PARD6B: variants seen among roughly 807,000 people sequenced by gnomAD.
The protein encoded by PARD6B is par-6 family cell polarity regulator beta.
Under a neutral mutation model 10.5 loss-of-function variants are expected in PARD6B, and 4 were observed. The observed-to-expected ratio is 0.38, with a 90% CI of 0.19 to 0.87. The LOEUF (loss-of-function observed/expected upper bound fraction) is 0.87. PARD6B is among the 40% of genes least tolerant of loss of function. The pLI is 0.41. For synonymous variants in PARD6B, 169 were observed against 170.4 expected, an observed-to-expected ratio of 0.99 and a Z score of 0.07; for missense variants, 396 against 470.6, an observed-to-expected ratio of 0.84 and a Z score of 1.47.
Position 50,740,292 on chromosome 20 carries a change from A to G in PARD6B, c.289+2213A>G, listed in dbSNP as rs2087524276. 1.3e-5 allele frequency among the ~76,000 whole-genome samples: 2 copies of G among 152,228 alleles called. 1 individual carries two copies. Among genetic ancestry groups the G allele is most frequent in the South Asian group, 4.1e-4 (2 of 4,836 alleles). On this transcript the variant is annotated intron_variant, in intron 2 of 2. Transcript: ENST00000371610. Reference sequence around the variant, plus strand: ...GAAGAATTTAAATAATTATGGTTGAATAATAGGCCTTTCTTGTTAGCAATT... The same window carrying G: ...GAAGAATTTAAATAATTATGGTTGAGTAATAGGCCTTTCTTGTTAGCAATT...
intron 2 of PARD6B, 68 bp downstream of exon 2, chr20:50,738,147 A>G: frequency 8.3e-7 from 1 of 1,200,696 alleles, no homozygotes; most frequent in Middle Eastern, 2.6e-4. Context: ...CTGAAAGGAT[A>G]CCCAGACTTT....
rs1347447193 is a variant in PARD6B at position 50,750,965 on chromosome 20, T to A, written c.*477T>A. The A allele has an allele frequency of 5.6e-6, 2 of 354,118 alleles. No homozygotes were observed. The highest frequency in any genetic ancestry group is 6.8e-6 in the Non-Finnish European group (2 of 295,968). The allele number at this position is 354,118 out of a possible 1,614,324, so 21.9% of individuals were successfully genotyped here. On this transcript the variant is annotated 3_prime_UTR_variant, in exon 3 of 3. Transcript: ENST00000371610. ...AATATTTTATTTTGATTTTTTTTTTTTTTTTTTTTTTTTTTTTTTTTAGTG... is the reference window on the plus strand; with the variant it reads ...AATATTTTATTTTGATTTTTTTTTTATTTTTTTTTTTTTTTTTTTTTAGTG...
rs1204319964 is a variant in PARD6B at position 50,742,967 on chromosome 20, C to A, written c.289+4888C>A. ...TTATTTTCATGCAGAGGATCCCAAT[C>A]CCCCATTCCCTGTTAAGAGTATTAG... On this transcript the variant is annotated intron_variant, in intron 2 of 2. Coordinates refer to ENST00000371610, the MANE Select transcript of PARD6B (RefSeq NM_032521.3). 9.2e-5 allele frequency among the ~76,000 whole-genome samples: 14 copies of A among 152,262 alleles called. No homozygotes were observed. In the Middle Eastern group the frequency reaches 0.01, roughly 111 times the overall value.
At chr20:50,745,696 A>G (rs1245705924) in intron 2 of PARD6B, among the ~76,000 whole-genome samples, 1 of 152,174 alleles carries the variant, frequency 6.6e-6, no homozygotes, top group African/African-American at 2.4e-5. Flanking sequence ...TTGTAGAGAC[A>G]GGGTCCTGCT....
At chr20:50,747,490 T>TTTC (rs1491250386) in intron 2 of PARD6B, among the ~76,000 whole-genome samples, 3 of 42,958 alleles carry the variant, frequency 7.0e-5, no homozygotes, top group South Asian at 1.0e-3. Flanking sequence ...TCTTTCTTTC[T>TTTC]TTTTTTTTTT....
intron 2 of PARD6B, among the ~76,000 whole-genome samples, chr20:50,738,953 CT>C (rs879530771): frequency 2.7e-4 from 39 of 145,312 alleles, no homozygotes; most frequent in Non-Finnish European, 2.7e-4. Flanking sequence ...AGTCCTAAAA[CT>C]TTTTTTTTTT....
chr20:50,751,269 TTTTG>T lies in PARD6B; in HGVS notation c.*785_*788del. 1.0e-6 allele frequency: 1 copy of T among 956,820 alleles called. No homozygotes were observed. The highest frequency in any genetic ancestry group is 1.2e-6 in the Non-Finnish European group (1 of 813,916). The allele number at this position is 956,820 out of a possible 1,614,324, so 59.3% of individuals were successfully genotyped here. ...GCCACCATGCCCAGCCTATTTTGAT[TTTTG>T]TTTTTTTATGTTCCTTTCTAATAAA... is the stretch of plus-strand genomic sequence containing the variant. On this transcript the variant is annotated 3_prime_UTR_variant, in exon 3 of 3. Transcript: ENST00000371610.
intron 1 of PARD6B, among the ~76,000 whole-genome samples, chr20:50,736,959 A>G (rs2087502791): frequency 6.6e-6 from 1 of 152,166 alleles, no homozygotes; most frequent in Non-Finnish European, 1.5e-5. Context: ...CAGCCTCTCA[A>G]AGTGCTGGGA....
chr20:50,738,588 A>G (rs1048747351), intron 2 of PARD6B, among the ~76,000 whole-genome samples: 6 of 152,226 alleles, frequency 3.9e-5, no homozygotes, highest in Admixed American at 1.3e-4. Context: ...TAGAATTACT[A>G]TGAGGATTAA....
Position 50,750,217 on chromosome 20 carries a change from G to T in PARD6B, c.848G>T (p.Ser283Ile). The T allele has an allele frequency of 6.2e-7, 1 of 1,614,216 alleles. No homozygotes were observed. Among genetic ancestry groups the T allele is most frequent in the Non-Finnish European group, 8.5e-7 (1 of 1,180,034 alleles). Residue 283 changes from serine (S) to isoleucine (I), a missense_variant, in exon 3 of 3, where the codon AGC becomes ATC. Around this residue, in one of 2 missense-constraint regions of PARD6B, gnomAD observed 188 missense variants for 169.7 expected, o/e 1.11. Coordinates refer to ENST00000371610, the MANE Select transcript of PARD6B (RefSeq NM_032521.3). The part of the protein sequence containing the change: ...LLGYPQQIEP[S>I]FEPEDEDSEE... ...GGCTACCCACAGCAGATTGAACCAA[G>T]CTTTGAGCCAGAGGATGAAGACAGC...
At chr20:50,744,105 CTTTTTTTTTTT>C (rs753435244) in intron 2 of PARD6B, among the ~76,000 whole-genome samples, 16 of 77,808 alleles carry the variant, frequency 2.1e-4, no homozygotes, top group African/African-American at 3.6e-4. Context: ...GAAGTAGCTT[CTTTTTTTTTTT>C]TTTTTTTTTT....
In PARD6B at chr20:50,751,858, C is replaced by T. The variant is rs746444041; in HGVS notation, c.*1370C>T. Reference sequence around the variant, plus strand: ...CTAAGATTACAGGTGTGCGCCAACACGTCTGGCTTATTTTTTTGTATTTTT... The same window carrying T: ...CTAAGATTACAGGTGTGCGCCAACATGTCTGGCTTATTTTTTTGTATTTTT... On this transcript the variant is annotated 3_prime_UTR_variant, in exon 3 of 3. Coordinates refer to ENST00000371610, the MANE Select transcript of PARD6B (RefSeq NM_032521.3). The T allele has an allele frequency of 7.2e-5, 62 of 865,570 alleles. No homozygotes were observed. Among genetic ancestry groups the T allele is most frequent in the South Asian group, 2.1e-4 (4 of 18,842 alleles). 53.6% of individuals were successfully genotyped at this position (865,570 alleles called of 1,614,324 possible).
rs1600821854 is a variant in PARD6B, at chr20:50,752,148, T to C, written c.*1660T>C. 1 of 985,594 alleles carries C rather than the reference T, an allele frequency of 1.0e-6. No individual in the cohort carries two copies. Among genetic ancestry groups the C allele is most frequent in the Middle Eastern group, 5.2e-4 (1 of 1,914 alleles). 61.1% of individuals were successfully genotyped at this position (985,594 alleles called of 1,614,324 possible). A position where few individuals can be genotyped will look rare whatever the true frequency, so the allele number is the denominator to read the frequency against. On this transcript the variant is annotated 3_prime_UTR_variant, in exon 3 of 3. Transcript: ENST00000371610. Reference sequence around the variant, plus strand: ...TCTCTTGACTTTGGAAATATGGAAGTCTCTCCTTTAACCTATTCTTGTTCC... The same window carrying C: ...TCTCTTGACTTTGGAAATATGGAAGCCTCTCCTTTAACCTATTCTTGTTCC...
In PARD6B at chr20:50,748,850, G is replaced by A. The variant is rs187829404; in HGVS notation, c.290-809G>A. Among the ~76,000 whole-genome samples the A allele has an allele frequency of 1.6e-3, 247 of 152,158 alleles. 2 individuals are homozygous for A. The highest frequency in any genetic ancestry group is 5.8e-3 in the African/African-American group (239 of 41,518). On this transcript the variant is annotated intron_variant, in intron 2 of 2. Coordinates refer to ENST00000371610, the MANE Select transcript of PARD6B (RefSeq NM_032521.3). The stretch of plus-strand genomic sequence containing the variant: ...TTACAAGTTTTTTAAACAAGTGAAG[G>A]AAAAATGTATTTTAAGTAACTGGTT...
chr20:50,744,288 A>G (rs1184183498), intron 2 of PARD6B, among the ~76,000 whole-genome samples: 1 of 150,934 alleles, frequency 6.6e-6, no homozygotes, highest in Admixed American at 6.6e-5. Context: ...CTAATTGTGT[A>G]TTTTTAGTAG....
rs150947689 is a variant in PARD6B, at chr20:50,752,251, A to G, written c.*1763A>G. 5.6e-4 allele frequency: 550 copies of G among 985,700 alleles called. 1 individual carries two copies. The African/African-American group carries it at 9.1e-3, about 16-fold the overall frequency. The allele number at this position is 985,700 out of a possible 1,614,324, so 61.1% of individuals were successfully genotyped here. ...TGTTGGTGTGCTTTTAATGCATCCA[A>G]GTATGCATCATTTTGGATAAAAAAT... On this transcript the variant is annotated 3_prime_UTR_variant, in exon 3 of 3. Transcript: ENST00000371610.
At chr20:50,742,147 G>C (rs529827816) in intron 2 of PARD6B, among the ~76,000 whole-genome samples, 49 of 152,270 alleles carry the variant, frequency 3.2e-4, no homozygotes, top group African/African-American at 8.9e-4. Context: ...CCGCCTCCCA[G>C]GTTCTTGTGC....
At position 50,750,206 on chromosome 20, in the gene PARD6B, G is replaced by C. The variant is rs41283604; in HGVS notation, c.837G>C (p.Gln279His). The C allele has an allele frequency of 3.7e-6, 6 of 1,614,214 alleles. No individual in the cohort carries two copies. In the East Asian group the frequency reaches 1.1e-4, roughly 30 times the overall value. ...ACAGCCTTCTTGGCTACCCACAGCA[G>C]ATTGAACCAAGCTTTGAGCCAGAGG... ...TDNSLLGYPQ[Q>H]IEPSFEPEDE... The change falls in exon 3 of 3, where the codon CAG becomes CAC. Residue 279 changes from glutamine (Q) to histidine (H), a missense_variant. This residue lies in a region of PARD6B where 188 missense variants were observed against 169.7 expected (regional missense o/e 1.11). Transcript: ENST00000371610.
Position 50,731,818 on chromosome 20 carries a change from G to T in PARD6B, c.32G>T (p.Ser11Ile). 2 of 1,463,894 alleles carry T rather than the reference G, an allele frequency of 1.4e-6. No homozygotes were observed. Among genetic ancestry groups the T allele is most frequent in the East Asian group, 3.0e-5 (1 of 33,066 alleles). The allele number at this position is 1,463,894 out of a possible 1,614,324, so 90.7% of individuals were successfully genotyped here. The change falls in exon 1 of 3, where the codon AGC becomes ATC. Residue 11 changes from serine to isoleucine, a missense_variant. By Grantham distance (142) the Ser-to-Ile change is moderately radical. Coordinates refer to ENST00000371610, the MANE Select transcript of PARD6B (RefSeq NM_032521.3). ...CGCAGCCACCGGCACGGGGCGGGCAGCGGCTGCCTGGGCACTATGGAGGTG... is the reference window on the plus strand; with the variant it reads ...CGCAGCCACCGGCACGGGGCGGGCATCGGCTGCCTGGGCACTATGGAGGTG... The part of the protein sequence containing the change: MNRSHRHGAG[S>I]GCLGTMEVKS...
Sources: allele counts gnomAD v4.1 joint callset (sites outside exome capture counted in the v4.1 genomes callset), GRCh38; gene constraint gnomAD v4.1.1; regional missense constraint gnomAD v4.1.1; transcripts MANE v1.5; gene names NCBI Gene and HGNC (gene_info 2026-07-23, HGNC 2026-07-21).